The following OLFM1 variants were observed in gnomAD, a reference collection of about 807,000 sequenced individuals.
The protein encoded by OLFM1 is noelin.
OLFM1 carries 9 observed loss-of-function variants against 49.7 expected under a neutral mutation model. The ratio of observed to expected loss-of-function variants is 0.18; its 90% CI spans 0.11 to 0.32. The LOEUF (loss-of-function observed/expected upper bound fraction) is 0.32, where lower values mean the gene tolerates loss of function less well. OLFM1 is among the 10% of genes least tolerant of loss of function. OLFM1 has a pLI of 1.00. For missense variants in OLFM1, 369 were observed against 661.8 expected (o/e 0.56, Z 4.85); for synonymous variants, 240 against 271.8 (o/e 0.88, Z 1.15).
Position 135,097,897 on chromosome 9 carries a change from C to G in OLFM1, c.457-389C>G, listed in dbSNP as rs1248857151. 4 of 1,574,778 alleles carry G rather than the reference C, an allele frequency of 2.5e-6. No homozygotes were observed. In the Admixed American group the frequency reaches 7.3e-5, roughly 29 times the overall value. Reference sequence around the variant, plus strand: ...CACCATGCATTTTTACTATTATTTTCCAATACTTAGCACCATTTCACTAAG... The same window carrying G: ...CACCATGCATTTTTACTATTATTTTGCAATACTTAGCACCATTTCACTAAG... On this transcript the variant is annotated intron_variant, in intron 3 of 5. Transcript: ENST00000371793.
intron 4 of OLFM1, among the ~76,000 whole-genome samples, chr9:135,100,042 T>A (rs1404863567): frequency 6.6e-6 from 1 of 152,120 alleles, no homozygotes; most frequent in Admixed American, 6.5e-5. Flanking sequence ...CTCCAAACAC[T>A]CCCACTTATG....
intron 1 of OLFM1, chr9:135,075,876 G>T (rs902044032): frequency 1.3e-6 from 2 of 1,490,454 alleles, no homozygotes; most frequent in Non-Finnish European, 1.8e-6. Context: ...ACAAAGTCCG[G>T]GAACGGCTCT....
rs926863662 is a variant in OLFM1 at position 135,088,291 on chromosome 9, CG to C, written c.150+155del. Among the ~76,000 whole-genome samples, 1 of 151,624 alleles carries C rather than the reference CG, an allele frequency of 6.6e-6. No individual in the cohort carries two copies. The highest frequency in any genetic ancestry group is 2.4e-5 in the African/African-American group (1 of 41,340). ...GCAGGGCGGGCAAGGGCAGGCGTCG[CG>C]GGCCGGCGCAGCGGTGGCGACCCTG... On this transcript the variant is annotated intron_variant, in intron 1 of 5. Coordinates refer to ENST00000371793, the MANE Select transcript of OLFM1 (RefSeq NM_001282611.2). This position sits in a 1 kb window ranked among gnomAD's most constrained non-coding sequence, Gnocchi z 4.8.
At position 135,105,340 on chromosome 9, in the gene OLFM1, C is replaced by A. The variant is rs558389399; in HGVS notation, c.677-1409C>A. Among the ~76,000 whole-genome samples the A allele has an allele frequency of 6.6e-5, 10 of 152,342 alleles. No homozygotes were observed. The South Asian group carries it at 1.7e-3, about 25-fold the overall frequency. On this transcript the variant is annotated intron_variant, in intron 4 of 5. Transcript: ENST00000371793. ...ATTTGGGGGCAAACCCAGTCTTTTT[C>A]TGTGGGCAGTGGGCTCCTCGTCCCT...
intron 2 of OLFM1, among the ~76,000 whole-genome samples, chr9:135,094,483 G>C (rs963294685): frequency 2.6e-5 from 4 of 152,066 alleles, no homozygotes; most frequent in Non-Finnish European, 5.9e-5. Flanking sequence ...GTTATTCAAA[G>C]TGACAGAGGA....
chr9:135,084,854 G>A (rs1830578142), upstream of OLFM1, among the ~76,000 whole-genome samples: 2 of 152,282 alleles, frequency 1.3e-5, no homozygotes, highest in African/African-American at 4.8e-5. This position sits in a 1 kb window ranked among gnomAD's most constrained non-coding sequence, Gnocchi z 4.6. Flanking sequence ...TGTTCTGACT[G>A]TGGGTGTCAG....
chr9:135,119,135 G>A (rs776581008), intron 5 of OLFM1, among the ~76,000 whole-genome samples: 1,212 of 114,372 alleles, frequency 0.011, no homozygotes, highest in Middle Eastern at 0.03. Flanking sequence ...TGGAGTACTC[G>A]TTGTGTCTTT....
At position 135,113,214 on chromosome 9, in the gene OLFM1, G is replaced by T. The variant is rs1348678804; in HGVS notation, c.784-6290G>T. On this transcript the variant is annotated intron_variant, in intron 5 of 5. Transcript: ENST00000371793. This position sits in a 1 kb window ranked among gnomAD's most constrained non-coding sequence, Gnocchi z 4.0. ...TCTGTGACTCTGTGGAGGGATGGGT[G>T]TCACGGCCTGTCTTGCTGCATCCTG... 6.6e-6 allele frequency among the ~76,000 whole-genome samples: 1 copy of T among 152,106 alleles called. No individual in the cohort carries two copies. Among genetic ancestry groups the T allele is most frequent in the Non-Finnish European group, 1.5e-5 (1 of 68,016 alleles).
exon 1 of OLFM1, chr9:135,075,729 A>C (rs1345752690): frequency 6.2e-7 from 1 of 1,602,928 alleles, no homozygotes; most frequent in Non-Finnish European, 8.5e-7. Flanking sequence ...TGGAGGTGGC[A>C]GCGAGACATG....
intron 2 of OLFM1, among the ~76,000 whole-genome samples, chr9:135,091,746 CAT>C (rs1216355848): frequency 1.1e-4 from 17 of 150,856 alleles, no homozygotes; most frequent in South Asian, 4.2e-4. Flanking sequence ...CACACCCACA[CAT>C]AGTCACACAC....
In OLFM1 at chr9:135,089,618, C is replaced by T. The variant is rs150085241; in HGVS notation, c.151-577C>T. 5.7e-3 allele frequency among the ~76,000 whole-genome samples: 869 copies of T among 152,316 alleles called. 9 individuals are homozygous for T. Among genetic ancestry groups the T allele is most frequent in the African/African-American group, 0.02 (828 of 41,576 alleles). ...TGTTTTCTCGGGTCGGTCTGTGCCA[C>T]GCTGCCGGCTGGGAGGTTGCTGTAG... is the stretch of plus-strand genomic sequence containing the variant. On this transcript the variant is annotated intron_variant, in intron 1 of 5. Coordinates refer to ENST00000371793, the MANE Select transcript of OLFM1 (RefSeq NM_001282611.2).
Position 135,080,475 on chromosome 9 carries a change from G to A in OLFM1, c.96+4673G>A, listed in dbSNP as rs1033433780. Among the ~76,000 whole-genome samples the A allele has an allele frequency of 1.3e-5, 2 of 152,108 alleles. No homozygotes were observed. The highest frequency in any genetic ancestry group is 4.8e-5 in the African/African-American group (2 of 41,436). On this transcript the variant is annotated intron_variant, in intron 1 of 5. Coordinates refer to the OLFM1 transcript ENST00000252854. This position sits in a 1 kb window ranked among gnomAD's most constrained non-coding sequence, Gnocchi z 4.5. Reference sequence around the variant, plus strand: ...GGCAATGCCTCTGGACACACGGAGGGAGAGGGGCACCCTCCCCTTTCCCAT... The same window carrying A: ...GGCAATGCCTCTGGACACACGGAGGAAGAGGGGCACCCTCCCCTTTCCCAT...
upstream of OLFM1, among the ~76,000 whole-genome samples, chr9:135,086,355 C>T (rs1231679416): frequency 6.6e-6 from 1 of 152,244 alleles, no homozygotes; most frequent in African/African-American, 2.4e-5. Context: ...GGGTCTCACA[C>T]CCAGCACTCA....
chr9:135,098,576 G>GT lies in OLFM1; in HGVS notation c.676+71_676+72insT. On this transcript the variant is annotated intron_variant, in intron 4 of 5. Transcript: ENST00000371793. This position sits in a 1 kb window ranked among gnomAD's most constrained non-coding sequence, Gnocchi z 5.6. ...CGGCACACGCACAGGCTTAGGGAGT[G>GT]GTGCTGAAGTGGACAGCGCCCGCCT... 2.1e-6 allele frequency: 3 copies of GT among 1,418,244 alleles called. No homozygotes were observed. Among genetic ancestry groups the GT allele is most frequent in the Non-Finnish European group, 2.0e-6 (2 of 1,012,670 alleles). The allele number at this position is 1,418,244 out of a possible 1,614,324, so 87.9% of individuals were successfully genotyped here.
intron 2 of OLFM1, among the ~76,000 whole-genome samples, chr9:135,092,109 G>C (rs1259852450): frequency 6.6e-6 from 1 of 152,222 alleles, no homozygotes; most frequent in African/African-American, 2.4e-5. Context: ...GTTGGGGAAG[G>C]TGGGAGCAGC....
rs146739099 is a variant in OLFM1, at chr9:135,104,584, G to A, written c.677-2165G>A. 4.6e-5 allele frequency among the ~76,000 whole-genome samples: 7 copies of A among 152,166 alleles called. No individual in the cohort carries two copies. The East Asian group carries it at 7.8e-4, about 17-fold the overall frequency. ...GCCACTCCTCTAGGCTTCTCCTTCC[G>A]GACAACTAACAGAACCACGGCGTGG... On this transcript the variant is annotated intron_variant, in intron 4 of 5. Coordinates refer to ENST00000371793, the MANE Select transcript of OLFM1 (RefSeq NM_001282611.2).
chr9:135,089,594 G>A (rs1830651871), intron 1 of OLFM1, among the ~76,000 whole-genome samples: 1 of 152,240 alleles, frequency 6.6e-6, no homozygotes, highest in Non-Finnish European at 1.5e-5. Context: ...GAAACCTAGT[G>A]TTTTCTCGGG....
rs1007274532 is a variant in OLFM1, at chr9:135,117,778, G to A, written c.784-1726G>A. ...AGGGCAGGATTAGGGGCGAATGGCT[G>A]CACGTATACGCCTGTGTGCTCCCAT... On this transcript the variant is annotated intron_variant, in intron 5 of 5. Coordinates refer to ENST00000371793, the MANE Select transcript of OLFM1 (RefSeq NM_001282611.2). The surrounding 1 kb of genome is among the most constrained non-coding windows in gnomAD (Gnocchi z 5.5). Among the ~76,000 whole-genome samples, 4 of 152,220 alleles carry A rather than the reference G, an allele frequency of 2.6e-5. No homozygotes were observed. Among genetic ancestry groups the A allele is most frequent in the Non-Finnish European group, 4.4e-5 (3 of 68,040 alleles).
intron 5 of OLFM1, among the ~76,000 whole-genome samples, chr9:135,107,120 TCCCCGGCCCGG>T (rs905042923): frequency 4.0e-5 from 6 of 151,358 alleles, no homozygotes; most frequent in Non-Finnish European, 8.8e-5. Context: ...CAAGGCCTCC[TCCCCGGCCCGG>T]TGGGCTGGGC....
Sources: allele counts gnomAD v4.1 joint callset (sites outside exome capture counted in the v4.1 genomes callset), GRCh38; gene constraint gnomAD v4.1.1; non-coding constraint Gnocchi (gnomAD v3.1); transcripts MANE v1.5; gene names NCBI Gene and HGNC (gene_info 2026-07-23, HGNC 2026-07-21).